The following FBXO28 variants were observed in gnomAD, a reference collection of about 807,000 sequenced individuals.
The protein encoded by FBXO28 is F-box protein 28.
FBXO28 carries 8 observed loss-of-function variants against 38.1 expected under a neutral mutation model. The observed-to-expected ratio is 0.21, with a 90% confidence interval of 0.12 to 0.38. The LOEUF is 0.38. FBXO28 is among the 10% of genes least tolerant of loss of function. The probability of loss-of-function intolerance (pLI) is 1.00; values close to 1 mark genes in which losing one functional copy is unlikely to be tolerated. For synonymous variants in FBXO28, 168 were observed against 173.8 expected (o/e 0.97, Z 0.26); for missense variants, 345 against 460.6 (o/e 0.75, Z 2.30).
chr1:224,136,403 TC>T (rs1657188102), intron 3 of FBXO28, among the ~76,000 whole-genome samples: 1 of 152,024 alleles, frequency 6.6e-6, no homozygotes, highest in Non-Finnish European at 1.5e-5. Context: ...GTTCTTGTTT[TC>T]CCTGAGATCT....
rs1480359397 is a variant in FBXO28, at chr1:224,160,803, T to G, written c.*3057T>G. ...TAATCTCTATTTAGTAGTTTCAAGA[T>G]ATATGCGCAATTATTCTACGTGTTA... On this transcript the variant is annotated 3_prime_UTR_variant, in exon 5 of 5. Transcript: ENST00000366862. The G allele has an allele frequency of 6.6e-6, 1 of 152,184 alleles. No homozygotes were observed. The highest frequency in any genetic ancestry group is 2.4e-5 in the African/African-American group (1 of 41,450). 9.4% of individuals were successfully genotyped at this position (152,184 alleles called of 1,614,324 possible).
At chr1:224,122,413 A>G (rs1236794744) in intron 1 of FBXO28, among the ~76,000 whole-genome samples, 3 of 152,170 alleles carry the variant, frequency 2.0e-5, no homozygotes, top group Admixed American at 6.5e-5. Context: ...ACTTTTTATA[A>G]TGTGATCACA....
chr1:224,130,817 G>A (rs928291706), intron 2 of FBXO28: 1 of 395,688 alleles, frequency 2.5e-6, no homozygotes, highest in Admixed American at 4.2e-5. Context: ...GCATCCAAAT[G>A]GGAAAAGAAG....
In FBXO28 at chr1:224,114,588, C is replaced by G. The variant is rs994585374; in HGVS notation, c.267+192C>G. 8.7e-4 allele frequency among the ~76,000 whole-genome samples: 133 copies of G among 152,260 alleles called. 1 individual carries two copies. The highest frequency in any genetic ancestry group is 4.0e-4 in the Non-Finnish European group (27 of 68,042). The stretch of plus-strand genomic sequence containing the variant: ...GAGTGGGCTGGTTCCCGATTGCGTC[C>G]TAGCTGCGGAGCTGGGGTTACTTCC... On this transcript the variant is annotated intron_variant, in intron 1 of 4. Coordinates refer to ENST00000366862, the MANE Select transcript of FBXO28 (RefSeq NM_015176.4).
rs954720844 is a variant in FBXO28 at position 224,161,974 on chromosome 1, A to T, written c.*4228A>T. 1.3e-5 allele frequency: 2 copies of T among 152,238 alleles called. No individual in the cohort carries two copies. Among genetic ancestry groups the T allele is most frequent in the African/African-American group, 4.8e-5 (2 of 41,460 alleles). 9.4% of individuals were successfully genotyped at this position (152,238 alleles called of 1,614,324 possible). On this transcript the variant is annotated 3_prime_UTR_variant, in exon 5 of 5. Transcript: ENST00000366862. ...CTGGAATTTTAATTGTTATAACCGA[A>T]TCAATTATTGGAAAGTGAAAAACAC...
chr1:224,123,883 T>C (rs530671829), intron 1 of FBXO28, among the ~76,000 whole-genome samples: 2 of 151,920 alleles, frequency 1.3e-5, no homozygotes, highest in Non-Finnish European at 2.9e-5. Flanking sequence ...CTGAGGCGAG[T>C]GGATCACCTG....
intron 1 of FBXO28, among the ~76,000 whole-genome samples, chr1:224,115,353 A>T (rs1206187493): frequency 6.6e-6 from 1 of 152,218 alleles, no homozygotes; most frequent in Non-Finnish European, 1.5e-5. Context: ...AACCGATTCC[A>T]TGGAGAAGCT....
intron 4 of FBXO28, among the ~76,000 whole-genome samples, chr1:224,155,507 A>G (rs1220229105): frequency 2.6e-5 from 4 of 152,244 alleles, no homozygotes; most frequent in African/African-American, 4.8e-5. Flanking sequence ...TTTGAACAGT[A>G]TCACTTCATC....
chr1:224,151,152 T>C lies in FBXO28; in HGVS notation c.517-1990T>C, dbSNP rs529448291. 1.8e-4 allele frequency among the ~76,000 whole-genome samples: 27 copies of C among 152,348 alleles called. No homozygotes were observed. In the East Asian group the frequency reaches 4.8e-3, roughly 27 times the overall value. ...ATAGTAATATTGCCAGAAATAAATA[T>C]GTTTTCTCCTTTGGCAATCAGCCAT... is the stretch of plus-strand genomic sequence containing the variant. On this transcript the variant is annotated intron_variant, in intron 3 of 4. Coordinates refer to ENST00000366862, the MANE Select transcript of FBXO28 (RefSeq NM_015176.4).
chr1:224,147,723 G>A (rs1379832892), intron 3 of FBXO28, among the ~76,000 whole-genome samples: 1 of 151,490 alleles, frequency 6.6e-6, no homozygotes, highest in African/African-American at 2.4e-5. Flanking sequence ...CATTTGAAAG[G>A]TGTAGAAACA....
At position 224,161,972 on chromosome 1, in the gene FBXO28, G is replaced by A. The variant is rs1232536761; in HGVS notation, c.*4226G>A. 6.6e-6 allele frequency: 1 copy of A among 152,084 alleles called. No homozygotes were observed. Among genetic ancestry groups the A allele is most frequent in the African/African-American group, 2.4e-5 (1 of 41,408 alleles). 9.4% of individuals were successfully genotyped at this position (152,084 alleles called of 1,614,324 possible). The stretch of plus-strand genomic sequence containing the variant: ...TTCTGGAATTTTAATTGTTATAACC[G>A]AATCAATTATTGGAAAGTGAAAAAC... On this transcript the variant is annotated 3_prime_UTR_variant, in exon 5 of 5. Transcript: ENST00000366862.
intron 4 of FBXO28, among the ~76,000 whole-genome samples, chr1:224,154,759 G>C (rs1459543208): frequency 4.0e-5 from 6 of 149,922 alleles, no homozygotes; most frequent in Non-Finnish European, 5.9e-5. Flanking sequence ...AGTGAGCCGA[G>C]ATTGATCGTG....
Position 224,154,624 on chromosome 1 carries a change from T to C in FBXO28, c.712+1287T>C, listed in dbSNP as rs182839632. 2.2e-4 allele frequency among the ~76,000 whole-genome samples: 33 copies of C among 151,076 alleles called. No homozygotes were observed. The East Asian group carries it at 4.1e-3, about 19-fold the overall frequency. On this transcript the variant is annotated intron_variant, in intron 4 of 4. Transcript: ENST00000366862. ...GAGATGGAGACCATCCTGGCTAACATGGTGAAACCCCGTCTCTACTAAAAA... is the reference window on the plus strand; with the variant it reads ...GAGATGGAGACCATCCTGGCTAACACGGTGAAACCCCGTCTCTACTAAAAA...
At chr1:224,122,780 TGTCTAA>T (rs1468138911) in intron 1 of FBXO28, among the ~76,000 whole-genome samples, 1 of 152,216 alleles carries the variant, frequency 6.6e-6, no homozygotes, top group Non-Finnish European at 1.5e-5. Context: ...TAGCTCCATC[TGTCTAA>T]CCTTTAGCAG....
intron 3 of FBXO28, among the ~76,000 whole-genome samples, chr1:224,142,060 T>A (rs1422353020): frequency 1.7e-5 from 2 of 119,856 alleles, no homozygotes; most frequent in Admixed American, 8.8e-5. Flanking sequence ...TTTTTTTTTT[T>A]AATTTTTGGG....
intron 1 of FBXO28, among the ~76,000 whole-genome samples, chr1:224,116,667 C>G (rs1287738082): frequency 6.6e-6 from 1 of 152,078 alleles, no homozygotes; most frequent in African/African-American, 2.4e-5. Flanking sequence ...TTATTGGAAC[C>G]TCAGTTACAA....
chr1:224,136,711 G>A (rs1001316615), intron 3 of FBXO28, among the ~76,000 whole-genome samples: 1 of 151,384 alleles, frequency 6.6e-6, no homozygotes, highest in Non-Finnish European at 1.5e-5. Flanking sequence ...CTGGGCGACA[G>A]AGCAAGACTT....
chr1:224,120,285 T>C (rs1210591738), intron 1 of FBXO28, among the ~76,000 whole-genome samples: 1 of 152,234 alleles, frequency 6.6e-6, no homozygotes, highest in Non-Finnish European at 1.5e-5. Flanking sequence ...CCAAATATCT[T>C]GGGCCTCTGC....
At chr1:224,142,448 CTTTAAGT>C (rs149196632) in intron 3 of FBXO28, among the ~76,000 whole-genome samples, 1,807 of 150,114 alleles carry the variant, frequency 0.012, 37 homozygotes, top group African/African-American at 0.039. Context: ...CTCAGGAGTT[CTTTAAGT>C]TTTAACTTCT....
Sources: allele counts gnomAD v4.1 joint callset (sites outside exome capture counted in the v4.1 genomes callset), GRCh38; gene constraint gnomAD v4.1.1; transcripts MANE v1.5; gene names NCBI Gene and HGNC (gene_info 2026-07-23, HGNC 2026-07-21).